The following OTUD4 variants were observed in gnomAD, a reference collection of about 807,000 sequenced individuals.
The protein encoded by OTUD4 is OTU deubiquitinase 4.
A neutral mutation model predicts 130.4 loss-of-function variants in OTUD4; 24 were observed. That is an observed-to-expected ratio of 0.18 (90% CI 0.13 to 0.26). OTUD4 has a LOEUF of 0.26. Ranked by LOEUF, OTUD4 falls within the 10% of genes least tolerant of loss-of-function variation. The probability of loss-of-function intolerance (pLI) is 1.00; values close to 1 mark genes in which losing one functional copy is unlikely to be tolerated. For missense variants in OTUD4, 1,031 were observed against 1,329.4 expected (o/e 0.78, Z 3.49); for synonymous variants, 420 against 472.5 (o/e 0.89, Z 1.44).
intron 19 of OTUD4, among the ~76,000 whole-genome samples, chr4:145,140,599 A>C (rs960466387): frequency 1.1e-4 from 17 of 152,186 alleles, no homozygotes; most frequent in Admixed American, 5.9e-4. Context: ...GAGGGAAAGC[A>C]AACTTTGAAA....
intron 20 of OTUD4, among the ~76,000 whole-genome samples, chr4:145,139,394 A>C (rs1750449272): frequency 6.6e-6 from 1 of 152,214 alleles, no homozygotes; most frequent in Non-Finnish European, 1.5e-5. Context: ...AACATTTAAC[A>C]AGGACAGAGT....
intron 1 of OTUD4, 149 bp downstream of exon 1, chr4:145,179,666 C>T: frequency 7.1e-7 from 1 of 1,405,018 alleles, no homozygotes; most frequent in Non-Finnish European, 9.2e-7. Flanking sequence ...CGTCCCACTC[C>T]GGCGTTACAA....
At chr4:145,144,204 A>G in intron 15 of OTUD4, 107 bp downstream of exon 15, 1 of 1,262,772 alleles carries the variant, frequency 7.9e-7, no homozygotes, top group South Asian at 1.4e-5. Flanking sequence ...GTGACATTAG[A>G]TAAACTACTT....
chr4:145,143,083 CA>C (rs1329714959), intron 17 of OTUD4, among the ~76,000 whole-genome samples: 1 of 152,086 alleles, frequency 6.6e-6, no homozygotes, highest in African/African-American at 2.4e-5. Context: ...TACAAAGTAT[CA>C]AATATAACGA....
rs1750705843 is a variant in OTUD4 at position 145,144,019 on chromosome 4, T to TA, written c.1547-19dup. ...AATAGAGTCTATAGCAGATCAAGATTAAAAAAGACAGCATAAGCCACCAGT... is the reference window on the plus strand; with the variant it reads ...AATAGAGTCTATAGCAGATCAAGATTAAAAAAAGACAGCATAAGCCACCAGT... On this transcript the variant is annotated intron_variant, in intron 15 of 20. Coordinates refer to ENST00000447906, the MANE Select transcript of OTUD4 (RefSeq NM_001366057.1). 6.3e-7 allele frequency: 1 copy of TA among 1,598,730 alleles called. No homozygotes were observed. Among genetic ancestry groups the TA allele is most frequent in the South Asian group, 1.1e-5 (1 of 90,308 alleles).
intron 3 of OTUD4, among the ~76,000 whole-genome samples, chr4:145,169,753 C>T (rs1019768162): frequency 1.3e-5 from 2 of 152,082 alleles, no homozygotes; most frequent in African/African-American, 2.4e-5. Flanking sequence ...ATTACAGGCA[C>T]GAGCCATTGT....
At position 145,136,218 on chromosome 4, in the gene OTUD4, G is replaced by A. The variant is rs1435063365; in HGVS notation, c.*1212C>T. The A allele has an allele frequency of 6.6e-6, 1 of 152,452 alleles. No individual in the cohort carries two copies. Among genetic ancestry groups the A allele is most frequent in the African/African-American group, 2.4e-5 (1 of 41,426 alleles). 9.4% of individuals were successfully genotyped at this position (152,452 alleles called of 1,614,324 possible). A position where few individuals can be genotyped will look rare whatever the true frequency, so the allele number is the denominator to read the frequency against. On this transcript the variant is annotated 3_prime_UTR_variant, in exon 21 of 21. Transcript: ENST00000447906. ...TTAATTCAGAGTTCAATCTCCAAATGAGAACAGAGTGCAACATGCAAAGGG... is the reference window on the plus strand; with the variant it reads ...TTAATTCAGAGTTCAATCTCCAAATAAGAACAGAGTGCAACATGCAAAGGG...
In OTUD4 at chr4:145,138,466, A is replaced by G; in HGVS notation, c.2309T>C (p.Met770Thr). Residue 770 changes from methionine to threonine, a missense_variant, in exon 21 of 21, where the codon ATG becomes ACG. Physicochemically the swap from Met to Thr is moderately conservative, Grantham distance 81. Transcript: ENST00000447906. ...DCTCTDAHFP[M>T]QTEASVNGQM... ...ACCATTAACACTGGCCTCAGTCTGC[A>G]TAGGAAAGTGGGCATCAGTACAGGT... The G allele has an allele frequency of 1.9e-6, 3 of 1,614,166 alleles. No homozygotes were observed. Among genetic ancestry groups the G allele is most frequent in the Non-Finnish European group, 2.5e-6 (3 of 1,180,008 alleles).
chr4:145,168,162 C>A (rs1377776296), intron 3 of OTUD4, among the ~76,000 whole-genome samples: 2 of 151,934 alleles, frequency 1.3e-5, no homozygotes. Flanking sequence ...ATTAACCATA[C>A]TATAACAAAA....
chr4:145,165,070 C>A, intron 4 of OTUD4, 81 bp downstream of exon 4: 3 of 737,662 alleles, frequency 4.1e-6, no homozygotes, highest in South Asian at 2.5e-5. Context: ...AAGAGCTTTG[C>A]TATTTTAACA....
chr4:145,177,787 C>G (rs185468208), intron 1 of OTUD4, among the ~76,000 whole-genome samples: 4 of 152,170 alleles, frequency 2.6e-5, no homozygotes, highest in Admixed American at 2.6e-4. Context: ...GTCTCCTCCC[C>G]GTCTTTAAAA....
chr4:145,152,710 T>C, intron 10 of OTUD4, 75 bp from the exon 11 acceptor site: 1 of 824,240 alleles, frequency 1.2e-6, no homozygotes, highest in South Asian at 1.6e-5. Context: ...TATCAGTTTT[T>C]TGCGGTTCTT....
chr4:145,141,228 A>ATGAC (rs1029469633), intron 19 of OTUD4, 151 bp downstream of exon 19: 3 of 434,106 alleles, frequency 6.9e-6, no homozygotes, highest in South Asian at 2.4e-4. Context: ...TGAAACAAGA[A>ATGAC]TGACTGACTA....
In OTUD4 at chr4:145,141,631, C is replaced by T. The variant is rs1331949569; in HGVS notation, c.1831G>A (p.Ala611Thr). The change falls in exon 19 of 21, where the codon GCT becomes ACT. Residue 611 changes from alanine (A) to threonine (T), a missense_variant. Ala to Thr is a moderately conservative substitution (Grantham distance 58). This residue lies in a region of OTUD4 where 900 missense variants were observed against 1,095.9 expected (regional missense o/e 0.82). Transcript: ENST00000447906. The part of the protein sequence containing the change: ...PTTFGPTGVP[A>T]PIPVLSVTQT... ...GTCACTGACAAAACGGGAATTGGAG[C>T]AGGGACACCTACAAAAGAGAAGAAA... 1 of 1,529,890 alleles carries T rather than the reference C, an allele frequency of 6.5e-7. No individual in the cohort carries two copies. The highest frequency in any genetic ancestry group is 2.3e-5 in the East Asian group (1 of 42,934). The allele number at this position is 1,529,890 out of a possible 1,614,324, so 94.8% of individuals were successfully genotyped here.
intron 7 of OTUD4, chr4:145,159,092 A>T (rs980943031): frequency 8.0e-6 from 8 of 999,146 alleles, no homozygotes; most frequent in Non-Finnish European, 8.4e-6. Context: ...AACTTTCATT[A>T]TCTAAAAAGA....
chr4:145,145,379 T>A (rs1290263312), intron 14 of OTUD4, among the ~76,000 whole-genome samples: 3 of 152,208 alleles, frequency 2.0e-5, no homozygotes, highest in Admixed American at 2.0e-4. Flanking sequence ...CCAATGCCTG[T>A]GCCAGATTAA....
chr4:145,179,704 C>T, intron 1 of OTUD4, 111 bp downstream of exon 1: 12 of 1,409,208 alleles, frequency 8.5e-6, no homozygotes, highest in Admixed American at 3.2e-5. Flanking sequence ...AGCCAGGGCA[C>T]GCGCAGCCCC....
rs1327835459 is a variant in OTUD4, at chr4:145,136,502, G to A, written c.*928C>T. On this transcript the variant is annotated 3_prime_UTR_variant, in exon 21 of 21. Coordinates refer to ENST00000447906, the MANE Select transcript of OTUD4 (RefSeq NM_001366057.1). ...AGGAAGAAAACAACTCTAGAAACCT[G>A]TCAAGCTAAAAATTTTTAACATTTC... 1 of 81,536 alleles carries A rather than the reference G, an allele frequency of 1.2e-5. No individual in the cohort carries two copies. Among genetic ancestry groups the A allele is most frequent in the Admixed American group, 2.1e-4 (1 of 4,840 alleles). The allele number at this position is 81,536 out of a possible 1,614,324, so 5.1% of individuals were successfully genotyped here.
At chr4:145,160,175 A>G (rs1751488745) in intron 6 of OTUD4, among the ~76,000 whole-genome samples, 1 of 152,234 alleles carries the variant, frequency 6.6e-6, no homozygotes, top group Non-Finnish European at 1.5e-5. Flanking sequence ...GACAAGTCAG[A>G]AGACTTGGAT....
Sources: gnomAD v4.1 joint callset for allele counts (sites outside exome capture counted in the v4.1 genomes callset) on GRCh38, gnomAD v4.1.1 for gene constraint, gnomAD v4.1.1 regional missense constraint, MANE v1.5 for transcripts, NCBI Gene and HGNC (gene_info 2026-07-23, HGNC 2026-07-21) for gene names.